Variants in TRAPPC9 observed in about 807,000 individuals in gnomAD.
TRAPPC9 encodes the protein trafficking protein particle complex subunit 9, also known as IKK2 binding protein.
A neutral mutation model predicts 124.0 loss-of-function variants in TRAPPC9; 83 were observed. The observed-to-expected ratio is 0.67, with a 90% confidence interval of 0.56 to 0.80. TRAPPC9 has a LOEUF of 0.80. Among genes scored for constraint, TRAPPC9 ranks in the 30% least tolerant of loss-of-function variants. The probability of loss-of-function intolerance (pLI) is 0.00; values close to 1 mark genes in which losing one functional copy is unlikely to be tolerated. For missense variants in TRAPPC9, 1,302 were observed against 1,508.3 expected (o/e 0.86, Z 2.27); for synonymous variants, 638 against 617.5 (o/e 1.03, Z -0.49).
At chr8:140,001,688 T>C (rs1415752759) in intron 18 of TRAPPC9, among the ~76,000 whole-genome samples, 1 of 152,178 alleles carries the variant, frequency 6.6e-6, no homozygotes, top group African/African-American at 2.4e-5. Context: ...TCTCCTCACA[T>C]AAATGTGACA....
At chr8:140,412,481 T>C (rs2069739681) in intron 5 of TRAPPC9, among the ~76,000 whole-genome samples, 2 of 152,168 alleles carry the variant, frequency 1.3e-5, no homozygotes, top group South Asian at 2.1e-4. Context: ...GATAAAGGTA[T>C]TGAATGCATC....
At chr8:140,200,142 C>G (rs893487591) in intron 17 of TRAPPC9, among the ~76,000 whole-genome samples, 13 of 152,212 alleles carry the variant, frequency 8.5e-5, no homozygotes, top group African/African-American at 3.1e-4. Flanking sequence ...ATAAACAAGA[C>G]AGGAAAGCTA....
rs188383349 is a variant in TRAPPC9, at chr8:140,038,706, C to T, written c.2557-14627G>A. ...GGCCAGGGTAAGGTCAAAGCAAAAA[C>T]CCCACGAAGGGAGAGAGGCAGCTGA... is the stretch of plus-strand genomic sequence containing the variant. On this transcript the variant is annotated intron_variant, in intron 17 of 22. Transcript: ENST00000438773. Among the ~76,000 whole-genome samples the T allele has an allele frequency of 2.4e-3, 368 of 152,324 alleles. 2 individuals are homozygous for T. Among genetic ancestry groups the T allele is most frequent in the Admixed American group, 4.8e-3 (74 of 15,306 alleles).
At chr8:140,179,993 ATTTTTTTTT>A (rs71520259) in intron 17 of TRAPPC9, among the ~76,000 whole-genome samples, 2 of 90,032 alleles carry the variant, frequency 2.2e-5, no homozygotes, top group Admixed American at 1.7e-4. Flanking sequence ...TTATATCTTG[ATTTTTTTTT>A]TTTTTTTTTT....
intron 9 of TRAPPC9, among the ~76,000 whole-genome samples, chr8:140,334,343 C>T (rs907046812): frequency 6.6e-6 from 1 of 151,614 alleles, no homozygotes; most frequent in Admixed American, 6.6e-5. Flanking sequence ...TTGAGAAAGG[C>T]AATGTGAAAT....
chr8:140,141,679 A>G (rs981427709), intron 17 of TRAPPC9, among the ~76,000 whole-genome samples: 11 of 152,242 alleles, frequency 7.2e-5, no homozygotes, highest in African/African-American at 2.2e-4. Context: ...TTTAAAATCA[A>G]TAAGTTGCTA....
intron 19 of TRAPPC9, among the ~76,000 whole-genome samples, chr8:139,946,860 G>A (rs924247838): frequency 9.2e-5 from 14 of 151,810 alleles, no homozygotes; most frequent in Non-Finnish European, 1.9e-4. Flanking sequence ...GGTGGCGGGC[G>A]CCTCTAATCC....
rs756337357 is a variant in TRAPPC9, at chr8:139,730,865, T to A, written c.*196A>T. The A allele has an allele frequency of 8.6e-5, 53 of 613,332 alleles. No homozygotes were observed. The highest frequency in any genetic ancestry group is 1.2e-4 in the Non-Finnish European group (42 of 354,952). 38.0% of individuals were successfully genotyped at this position (613,332 alleles called of 1,614,324 possible). A position where few individuals can be genotyped will look rare whatever the true frequency, so the allele number is the denominator to read the frequency against. ...GTGTAGGAAGGGGCGTGGCATGGGG[T>A]GGGGCTGCCATGTCCGGGGCTTCTG... On this transcript the variant is annotated 3_prime_UTR_variant, in exon 23 of 23. Coordinates refer to ENST00000438773, the MANE Select transcript of TRAPPC9 (RefSeq NM_001160372.4).
At chr8:140,305,994 T>C (rs2066119109) in intron 10 of TRAPPC9, among the ~76,000 whole-genome samples, 1 of 152,236 alleles carries the variant, frequency 6.6e-6, no homozygotes, top group Non-Finnish European at 1.5e-5. Flanking sequence ...TTATTGGTGC[T>C]TGGCATAAAT....
intron 21 of TRAPPC9, among the ~76,000 whole-genome samples, chr8:139,756,410 A>G (rs1366031351): frequency 1.6e-5 from 2 of 125,956 alleles, no homozygotes; most frequent in African/African-American, 3.3e-5. Flanking sequence ...TAAGGACAGC[A>G]GATCACAGGA....
At position 140,059,693 on chromosome 8, in the gene TRAPPC9, A is replaced by G. The variant is rs368581509; in HGVS notation, c.2557-35614T>C. Among the ~76,000 whole-genome samples the G allele has an allele frequency of 7.2e-5, 11 of 152,246 alleles. No homozygotes were observed. In the East Asian group the frequency reaches 1.2e-3, roughly 16 times the overall value. On this transcript the variant is annotated intron_variant, in intron 17 of 22. Coordinates refer to ENST00000438773, the MANE Select transcript of TRAPPC9 (RefSeq NM_001160372.4). ...TCTGTGACATTGAGCATCTTCTCCC[A>G]TGCTCATTGGCCATCTATTTACTTT...
rs1053158786 is a variant in TRAPPC9 at position 140,378,701 on chromosome 8, C to T, written c.1135-7521G>A. 5.3e-5 allele frequency among the ~76,000 whole-genome samples: 8 copies of T among 152,262 alleles called. No homozygotes were observed. In the East Asian group the frequency reaches 1.2e-3, roughly 22 times the overall value. On this transcript the variant is annotated intron_variant, in intron 7 of 22. Coordinates refer to ENST00000438773, the MANE Select transcript of TRAPPC9 (RefSeq NM_001160372.4). Reference sequence around the variant, plus strand: ...AGGTATTTTCTATTTCATTCTTTTGCTAAACGTGTCGTTTAGGGGATCTTG... The same window carrying T: ...AGGTATTTTCTATTTCATTCTTTTGTTAAACGTGTCGTTTAGGGGATCTTG...
chr8:140,123,881 C>G lies in TRAPPC9; in HGVS notation c.2556+97578G>C, dbSNP rs535124915. ...GGTGAAATGGGTCCATCAGGAGAGG[C>G]TAGGTTATGCTGTGGTAACAAGCAG... On this transcript the variant is annotated intron_variant, in intron 17 of 22. Transcript: ENST00000438773. Among the ~76,000 whole-genome samples the G allele has an allele frequency of 3.3e-5, 5 of 152,252 alleles. 1 individual carries two copies. The highest frequency in any genetic ancestry group is 1.2e-4 in the African/African-American group (5 of 41,548).
intron 19 of TRAPPC9, among the ~76,000 whole-genome samples, chr8:139,967,877 A>G (rs924889435): frequency 6.6e-6 from 1 of 152,172 alleles, no homozygotes; most frequent in African/African-American, 2.4e-5. Context: ...GGTGGCTCAC[A>G]CCTATAATCC....
At chr8:139,855,805 G>A (rs764935756) in intron 21 of TRAPPC9, among the ~76,000 whole-genome samples, 20 of 152,326 alleles carry the variant, frequency 1.3e-4, no homozygotes, top group East Asian at 9.7e-4. Context: ...CACTTGATGC[G>A]TGGTTTATAA....
intron 17 of TRAPPC9, among the ~76,000 whole-genome samples, chr8:140,081,269 C>T (rs1843798505): frequency 6.6e-6 from 1 of 152,078 alleles, no homozygotes; most frequent in South Asian, 2.1e-4. Context: ...CGTCTCTCCA[C>T]AGAAGATGGC....
intron 7 of TRAPPC9, among the ~76,000 whole-genome samples, chr8:140,384,398 G>C (rs1053420249): frequency 3.6e-4 from 55 of 152,282 alleles, no homozygotes; most frequent in Admixed American, 6.5e-4. Context: ...CCATCAGTGT[G>C]CTGTATTCAG....
At chr8:140,052,893 G>C (rs1842087055) in intron 17 of TRAPPC9, among the ~76,000 whole-genome samples, 1 of 152,152 alleles carries the variant, frequency 6.6e-6, no homozygotes, top group African/African-American at 2.4e-5. Context: ...ACTGCAGTGA[G>C]CCGTGGTTGA....
At chr8:140,047,401 T>C (rs1468171092) in intron 17 of TRAPPC9, among the ~76,000 whole-genome samples, 3 of 152,244 alleles carry the variant, frequency 2.0e-5, no homozygotes, top group Non-Finnish European at 4.4e-5. Context: ...GAAGTCGTTC[T>C]CTGCGGAGGC....
Sources: gnomAD v4.1 joint callset for allele counts (sites outside exome capture counted in the v4.1 genomes callset) on GRCh38, gnomAD v4.1.1 for gene constraint, MANE v1.5 for transcripts, NCBI Gene and HGNC (gene_info 2026-07-23, HGNC 2026-07-21) for gene names.